The following DGKB variants were observed in gnomAD, a reference collection of about 807,000 sequenced individuals.
DGKB encodes 90 kDa diacylglycerol kinase.
A neutral mutation model predicts 114.3 loss-of-function variants in DGKB; 67 were observed. The observed-to-expected ratio is 0.59, with a 90% CI of 0.48 to 0.72. The LOEUF is 0.72. DGKB is among the 30% of genes least tolerant of loss of function. The pLI is 0.00. For synonymous variants in DGKB, 398 were observed against 323.1 expected (o/e 1.23, Z -2.49); for missense variants, 907 against 975.2 (o/e 0.93, Z 0.93).
intron 21 of DGKB, among the ~76,000 whole-genome samples, chr7:14,406,353 T>A (rs1560576): frequency 2.0e-5 from 3 of 151,770 alleles, no homozygotes; most frequent in African/African-American, 7.3e-5. Flanking sequence ...ACTACTTTAA[T>A]ACTTTGGGAA....
intron 2 of DGKB, among the ~76,000 whole-genome samples, chr7:14,765,045 A>G (rs561812409): frequency 6.6e-6 from 1 of 152,044 alleles, no homozygotes; most frequent in African/African-American, 2.4e-5. Context: ...AAAGAGATTG[A>G]AAAAGAAATA....
chr7:14,553,357 T>C (rs1332407096), intron 20 of DGKB, among the ~76,000 whole-genome samples: 1 of 152,202 alleles, frequency 6.6e-6, no homozygotes, highest in African/African-American at 2.4e-5. Flanking sequence ...TCTTGTGTTC[T>C]CCAATACTAA....
At chr7:14,596,085 C>T (rs114142329) in intron 17 of DGKB, among the ~76,000 whole-genome samples, 191 of 151,980 alleles carry the variant, frequency 1.3e-3, no homozygotes, top group African/African-American at 3.9e-3. Flanking sequence ...TCATTGATGG[C>T]GATATTTCAT....
At chr7:14,732,568 A>G (rs1026763763) in intron 5 of DGKB, among the ~76,000 whole-genome samples, 1 of 152,136 alleles carries the variant, frequency 6.6e-6, no homozygotes, top group African/African-American at 2.4e-5. Context: ...CTGAAAAAAA[A>G]ATAGGGTTAG....
At chr7:14,494,632 G>C (rs1785048858) in intron 20 of DGKB, among the ~76,000 whole-genome samples, 1 of 151,896 alleles carries the variant, frequency 6.6e-6, no homozygotes. Context: ...GGGACACCTT[G>C]TATTGCAATG....
intron 1 of DGKB, among the ~76,000 whole-genome samples, chr7:14,866,848 C>CA: frequency 6.6e-6 from 1 of 152,240 alleles, no homozygotes; most frequent in Non-Finnish European, 1.5e-5. Flanking sequence ...TTCCCACCAG[C>CA]AATGAGTGAG....
intron 2 of DGKB, among the ~76,000 whole-genome samples, chr7:14,778,503 AATG>A (rs1466353037): frequency 6.6e-6 from 1 of 152,230 alleles, no homozygotes; most frequent in Non-Finnish European, 1.5e-5. Context: ...GTACAAATAA[AATG>A]ATAATTGATT....
intron 1 of DGKB, among the ~76,000 whole-genome samples, chr7:14,933,447 C>G (rs1785129710): frequency 2.0e-5 from 3 of 152,104 alleles, no homozygotes; most frequent in East Asian, 3.9e-4. Flanking sequence ...CTTTGCATAT[C>G]ATATATGTGT....
intron 23 of DGKB, among the ~76,000 whole-genome samples, chr7:14,312,646 G>A (rs1309131284): frequency 6.6e-6 from 1 of 152,184 alleles, no homozygotes; most frequent in East Asian, 1.9e-4. Context: ...ACACTTGTGT[G>A]ATTGAGAACA....
chr7:14,214,427 G>A (rs1337865920), intron 23 of DGKB, among the ~76,000 whole-genome samples: 2 of 151,960 alleles, frequency 1.3e-5, no homozygotes, highest in South Asian at 4.1e-4. Flanking sequence ...TAGGAAATAA[G>A]GAGAAAAAAT....
intron 5 of DGKB, among the ~76,000 whole-genome samples, chr7:14,729,191 C>G (rs549871198): frequency 1.4e-5 from 2 of 140,962 alleles, no homozygotes; most frequent in Admixed American, 7.3e-5. Flanking sequence ...GGCGCCATCT[C>G]GGCTCACTGC....
chr7:14,478,167 T>C lies in DGKB; in HGVS notation c.1829A>G (p.Asn610Ser). The C allele has an allele frequency of 1.2e-6, 2 of 1,600,184 alleles. No individual in the cohort carries two copies. Among genetic ancestry groups the C allele is most frequent in the Non-Finnish European group, 8.5e-7 (1 of 1,171,160 alleles). ...ATCTCTTTTGTCACCTTACCTACTG[T>C]TGAATTTCTCTGGGTGTTTTTCTCT... is the stretch of plus-strand genomic sequence containing the variant. ...IMREKHPEKF[N>S]SRMKNKFWYF... Residue 610 changes from asparagine to serine, a missense_variant, in exon 21 of 26, where the codon AAC becomes AGC. Asn to Ser is a conservative substitution (Grantham distance 46). Around this residue, in one of 3 missense-constraint regions of DGKB, gnomAD observed 814 missense variants for 856.6 expected, o/e 0.95. Coordinates refer to ENST00000402815, the MANE Select transcript of DGKB (RefSeq NM_001350709.2).
chr7:14,777,264 CT>C (rs1417595481), intron 2 of DGKB, among the ~76,000 whole-genome samples: 1 of 152,022 alleles, frequency 6.6e-6, no homozygotes, highest in Non-Finnish European at 1.5e-5. Context: ...TGGACTTGGA[CT>C]TTTGAGTTAA....
At chr7:14,724,972 C>T (rs896220255) in intron 5 of DGKB, among the ~76,000 whole-genome samples, 3 of 152,034 alleles carry the variant, frequency 2.0e-5, no homozygotes, top group African/African-American at 7.2e-5. Flanking sequence ...GAGTTTGAGC[C>T]CAACCTGGGC....
intron 20 of DGKB, among the ~76,000 whole-genome samples, chr7:14,528,585 T>C (rs1791024304): frequency 6.6e-6 from 1 of 152,018 alleles, no homozygotes; most frequent in South Asian, 2.1e-4. Flanking sequence ...CTGTAGAAAA[T>C]GTATTTGTAT....
intron 1 of DGKB, among the ~76,000 whole-genome samples, chr7:14,936,674 A>G (rs1219903433): frequency 6.6e-6 from 1 of 152,090 alleles, no homozygotes; most frequent in Non-Finnish European, 1.5e-5. Flanking sequence ...CGGGCTCGGC[A>G]TCCTCCACCC....
chr7:14,450,414 A>G (rs933312515), intron 21 of DGKB, among the ~76,000 whole-genome samples: 1 of 152,146 alleles, frequency 6.6e-6, no homozygotes, highest in African/African-American at 2.4e-5. Context: ...AGGACAAAAT[A>G]ATTAATATGC....
chr7:14,168,115 T>C (rs6960970), intron 25 of DGKB, among the ~76,000 whole-genome samples: 120,554 of 152,054 alleles, frequency 0.79, 48,026 homozygotes, highest in East Asian at 0.94. Context: ...AAATAGAAGA[T>C]AGTTAAAAAA....
In DGKB at chr7:14,426,089, G is replaced by A. The variant is rs1041350531; in HGVS notation, c.1835+52072C>T. On this transcript the variant is annotated intron_variant, in intron 21 of 25. Transcript: ENST00000402815. Reference sequence around the variant, plus strand: ...GTGGCTACCGCTAATAGCTATATATGAATTAACAGAAAATGAAAGATTTAC... The same window carrying A: ...GTGGCTACCGCTAATAGCTATATATAAATTAACAGAAAATGAAAGATTTAC... Among the ~76,000 whole-genome samples, 9 of 152,152 alleles carry A rather than the reference G, an allele frequency of 5.9e-5. No individual in the cohort carries two copies. In the East Asian group the frequency reaches 1.7e-3, roughly 29 times the overall value.
Sources: allele counts gnomAD v4.1 joint callset (sites outside exome capture counted in the v4.1 genomes callset), GRCh38; gene constraint gnomAD v4.1.1; regional missense constraint gnomAD v4.1.1; transcripts MANE v1.5; gene names NCBI Gene and HGNC (gene_info 2026-07-23, HGNC 2026-07-21).